MICALL1: variants seen among roughly 807,000 people sequenced by gnomAD.
MICALL1 encodes MICAL-like protein 1.
A neutral mutation model predicts 83.7 loss-of-function variants in MICALL1; 61 were observed. The ratio of observed to expected loss-of-function variants is 0.73; its 90% confidence interval spans 0.59 to 0.90. The LOEUF is 0.90. Among genes scored for constraint, MICALL1 ranks in the 40% least tolerant of loss-of-function variants. The probability of loss-of-function intolerance (pLI) is 0.00; values close to 1 mark genes in which losing one functional copy is unlikely to be tolerated. For missense variants in MICALL1, 1,066 were observed against 1,152.0 expected, an observed-to-expected ratio of 0.93 and a Z score of 1.08; for synonymous variants, 481 against 473.6, an observed-to-expected ratio of 1.02 and a Z score of -0.20.
In MICALL1 at chr22:37,932,559, G is replaced by A. The variant is rs774764937; in HGVS notation, c.2023G>A (p.Ala675Thr). The A allele has an allele frequency of 6.2e-7, 1 of 1,614,112 alleles. No homozygotes were observed. Among genetic ancestry groups the A allele is most frequent in the Non-Finnish European group, 8.5e-7 (1 of 1,180,006 alleles). ...ACCAGGCACTGTTGGGCAGGTCCAG[G>A]CTGACCAGTACATCCCTGAGGAGGA... Reference protein sequence around the residue: ...GFPLIKRKVQADQYIPEEDIH... With the variant: ...GFPLIKRKVQTDQYIPEEDIH... Residue 675 changes from alanine (A) to threonine (T), a missense_variant, in exon 11 of 16, where the codon GCT (alanine) becomes ACT (threonine). Transcript: ENST00000215957. This position sits in a 1 kb window ranked among gnomAD's most constrained non-coding sequence, Gnocchi z 4.4.
At chr22:37,935,323 C>T (rs571648501) in intron 13 of MICALL1, among the ~76,000 whole-genome samples, 2 of 150,634 alleles carry the variant, frequency 1.3e-5, no homozygotes, top group Non-Finnish European at 3.0e-5. Flanking sequence ...TGCAGTGGCA[C>T]GATCTTGGCT....
In MICALL1 at chr22:37,941,126, G is replaced by A. The variant is rs541434977; in HGVS notation, c.*296G>A. The A allele has an allele frequency of 1.1e-5, 3 of 284,344 alleles. No individual in the cohort carries two copies. Among genetic ancestry groups the A allele is most frequent in the East Asian group, 7.6e-5 (1 of 13,242 alleles). 17.6% of individuals were successfully genotyped at this position (284,344 alleles called of 1,614,324 possible). A position where few individuals can be genotyped will look rare whatever the true frequency, so the allele number is the denominator to read the frequency against. On this transcript the variant is annotated 3_prime_UTR_variant, in exon 16 of 16. Coordinates refer to ENST00000215957, the MANE Select transcript of MICALL1 (RefSeq NM_033386.4). ...GGCAAATAGGGTCCCAGGGTCCAGG[G>A]AGGGGCGCCTGCTGAGCACTTCCGC... is the stretch of plus-strand genomic sequence containing the variant.
intron 9 of MICALL1, among the ~76,000 whole-genome samples, chr22:37,929,433 C>T (rs1395634880): frequency 6.6e-6 from 1 of 152,152 alleles, no homozygotes; most frequent in Admixed American, 6.5e-5. Context: ...GGCAGGGGGT[C>T]AGCCCTCAAC....
intron 2 of MICALL1, 37 bp downstream of exon 2, chr22:37,912,037 G>A (rs756165807): frequency 6.3e-7 from 1 of 1,577,628 alleles, no homozygotes; most frequent in Non-Finnish European, 8.6e-7. Context: ...AAGAGGCTCT[G>A]TGTATGTGTG....
At position 37,940,805 on chromosome 22, in the gene MICALL1, G is replaced by A. The variant is rs1446793539; in HGVS notation, c.2567G>A (p.Ser856Asn). The A allele has an allele frequency of 6.2e-7, 1 of 1,614,104 alleles. No individual in the cohort carries two copies. The highest frequency in any genetic ancestry group is 1.7e-5 in the Admixed American group (1 of 60,026). The stretch of plus-strand genomic sequence containing the variant: ...CTAGGAAACAAACGTGATGCCAAGA[G>A]CAAGTCCCCCAGAGACAAGAGCTAA... ...KLLGNKRDAK[S>N]KSPRDKS Residue 856 changes from serine to asparagine, a missense_variant, in exon 16 of 16, where the codon AGC becomes AAC. Transcript: ENST00000215957.
intron 3 of MICALL1, among the ~76,000 whole-genome samples, 170 bp downstream of exon 3, chr22:37,912,662 A>T (rs1044820981): frequency 2.6e-5 from 4 of 151,056 alleles, no homozygotes; most frequent in African/African-American, 9.7e-5. Context: ...TTTTTGAGAC[A>T]GAGTTTCGCT....
intron 1 of MICALL1, among the ~76,000 whole-genome samples, chr22:37,910,060 T>C (rs1224092847): frequency 6.6e-6 from 1 of 152,244 alleles, no homozygotes. Context: ...CATGTGGGTT[T>C]CATTTCTGTG....
chr22:37,919,254 A>C, intron 5 of MICALL1, 76 bp downstream of exon 5: 1 of 1,397,586 alleles, frequency 7.2e-7, no homozygotes, highest in South Asian at 1.6e-5. Context: ...ACAGTGCGCC[A>C]GGCACCTTGC....
intron 13 of MICALL1, among the ~76,000 whole-genome samples, chr22:37,934,258 C>T (rs1026313178): frequency 1.3e-5 from 2 of 152,202 alleles, no homozygotes; most frequent in Non-Finnish European, 2.9e-5. Flanking sequence ...GAGTACAGTA[C>T]ACCATGAGGG....
chr22:37,906,566 G>A lies in MICALL1; in HGVS notation c.144G>A (p.Leu48=). 8.5e-7 allele frequency: 1 copy of A among 1,175,792 alleles called. No individual in the cohort carries two copies. The allele number at this position is 1,175,792 out of a possible 1,614,324, so 72.8% of individuals were successfully genotyped here. A position where few individuals can be genotyped will look rare whatever the true frequency, so the allele number is the denominator to read the frequency against. The change falls in exon 1 of 16, where the codon CTG becomes CTA. Residue 48 remains leucine, a splice_region_variant and synonymous_variant. Transcript: ENST00000215957. The surrounding 1 kb of genome is among the most constrained non-coding windows in gnomAD (Gnocchi z 4.4). ...TCCTGCACCGGCACCGGCCCGACCT[G>A]CTGTGAGTGCGGGGCCCCGGGCGAG... ...CAILHRHRPD[L]LDFDSLSKDN... is the part of the protein sequence containing the mutation.
At position 37,912,111 on chromosome 22, in the gene MICALL1, C is replaced by A. The variant is rs542288300; in HGVS notation, c.195+111C>A. 2.3e-6 allele frequency: 3 copies of A among 1,321,706 alleles called. No individual in the cohort carries two copies. The Admixed American group carries it at 5.3e-5, about 23-fold the overall frequency. 81.9% of individuals were successfully genotyped at this position (1,321,706 alleles called of 1,614,324 possible). On this transcript the variant is annotated intron_variant, in intron 2 of 15. Coordinates refer to ENST00000215957, the MANE Select transcript of MICALL1 (RefSeq NM_033386.4). ...TTGCACGGTGGCTGCCCTTGTACAC[C>A]GGCCCTGGCTGCACCTTTCCCCACC...
intron 3 of MICALL1, among the ~76,000 whole-genome samples, chr22:37,914,072 C>T (rs764397337): frequency 6.6e-6 from 1 of 151,814 alleles, no homozygotes; most frequent in Non-Finnish European, 1.5e-5. Flanking sequence ...GATGGGGTTT[C>T]GCCACTTTGG....
rs1929826380 is a variant in MICALL1, at chr22:37,932,202, A to G, written c.2016+269A>G. On this transcript the variant is annotated intron_variant, in intron 10 of 15. Transcript: ENST00000215957. This position sits in a 1 kb window ranked among gnomAD's most constrained non-coding sequence, Gnocchi z 4.4. ...TCAAGTATCAAGCACTCATGATAAC[A>G]CTGCTACTTAAGCTGATTAGAGTGT... Among the ~76,000 whole-genome samples, 2 of 152,276 alleles carry G rather than the reference A, an allele frequency of 1.3e-5. No individual in the cohort carries two copies. The highest frequency in any genetic ancestry group is 4.1e-4 in the South Asian group (2 of 4,836).
chr22:37,930,734 C>T lies in MICALL1; in HGVS notation c.1882-1065C>T, dbSNP rs1043980167. On this transcript the variant is annotated intron_variant, in intron 9 of 15. Coordinates refer to ENST00000215957, the MANE Select transcript of MICALL1 (RefSeq NM_033386.4). The surrounding 1 kb of genome is among the most constrained non-coding windows in gnomAD (Gnocchi z 4.8). Reference sequence around the variant, plus strand: ...GTCTCCCCAGAGGCACGGAAGGATGCAGAGCCTGGGCTCTGGGTGTGTGGG... The same window carrying T: ...GTCTCCCCAGAGGCACGGAAGGATGTAGAGCCTGGGCTCTGGGTGTGTGGG... 6.6e-6 allele frequency among the ~76,000 whole-genome samples: 1 copy of T among 152,172 alleles called. No individual in the cohort carries two copies. The highest frequency in any genetic ancestry group is 2.4e-5 in the African/African-American group (1 of 41,444).
Position 37,917,801 on chromosome 22 carries a change from C to T in MICALL1, c.426+6C>T. ...AACCAGAAGATGTGGCTCAGGTAGG[C>T]AGATACCTGGAGAGGTGGGAGGGCC... On this transcript the variant is annotated splice_donor_region_variant and intron_variant, in intron 4 of 15. Transcript: ENST00000215957. The T allele has an allele frequency of 6.2e-7, 1 of 1,612,714 alleles. No individual in the cohort carries two copies.
chr22:37,932,015 C>T lies in MICALL1; in HGVS notation c.2016+82C>T. On this transcript the variant is annotated intron_variant, in intron 10 of 15. Transcript: ENST00000215957. The surrounding 1 kb of genome is among the most constrained non-coding windows in gnomAD (Gnocchi z 4.4). The stretch of plus-strand genomic sequence containing the variant: ...GCAGCTGCAGTCTTCCCCTGGGACT[C>T]TAAGGAGGCTGGCTGGCTAGGCAGT... 1 of 1,543,068 alleles carries T rather than the reference C, an allele frequency of 6.5e-7. No individual in the cohort carries two copies. Among genetic ancestry groups the T allele is most frequent in the Non-Finnish European group, 8.7e-7 (1 of 1,149,444 alleles).
chr22:37,927,899 T>A lies in MICALL1; in HGVS notation c.1881+73T>A, dbSNP rs941482544. The A allele has an allele frequency of 6.9e-6, 10 of 1,458,802 alleles. No homozygotes were observed. In the Admixed American group the frequency reaches 2.1e-4, roughly 30 times the overall value. The allele number at this position is 1,458,802 out of a possible 1,614,324, so 90.4% of individuals were successfully genotyped here. A position where few individuals can be genotyped will look rare whatever the true frequency, so the allele number is the denominator to read the frequency against. ...TGCGGGTCTGGTCTCAGGGCAGAAA[T>A]GTCCAGGGCCTTTTCTTAATTTTTT... On this transcript the variant is annotated intron_variant, in intron 9 of 15. Coordinates refer to ENST00000215957, the MANE Select transcript of MICALL1 (RefSeq NM_033386.4).
In MICALL1 at chr22:37,925,799, C is replaced by T. The variant is rs143910997; in HGVS notation, c.1221C>T (p.Thr407=). The T allele has an allele frequency of 0.016, 25,334 of 1,613,522 alleles. 239 individuals are homozygous for T. Among genetic ancestry groups the T allele is most frequent in the Middle Eastern group, 0.019 (114 of 5,924 alleles). ...QDSRQVENGG[T]EEVAQPSPTA... ...GCAGGCAGGTGGAGAATGGAGGCAC[C>T]GAGGAGGTGGCCCAGCCGAGCCCAA... Residue 407 remains threonine (T), a synonymous_variant, in exon 8 of 16, where the codon ACC becomes ACT. Coordinates refer to ENST00000215957, the MANE Select transcript of MICALL1 (RefSeq NM_033386.4).
chr22:37,933,971 G>T (rs1929941980), intron 13 of MICALL1, among the ~76,000 whole-genome samples: 1 of 152,238 alleles, frequency 6.6e-6, no homozygotes, highest in Admixed American at 6.5e-5. Flanking sequence ...GAATTTGGGA[G>T]GCTGGAGTGT....
Sources: allele counts gnomAD v4.1 joint callset (sites outside exome capture counted in the v4.1 genomes callset), GRCh38; gene constraint gnomAD v4.1.1; non-coding constraint Gnocchi (gnomAD v3.1); transcripts MANE v1.5; gene names NCBI Gene and HGNC (gene_info 2026-07-23, HGNC 2026-07-21).